Variants in CPEB4 observed in about 807,000 individuals in gnomAD.
The protein encoded by CPEB4 is cytoplasmic polyadenylation element-binding protein 4.
A neutral mutation model predicts 72.5 loss-of-function variants in CPEB4; 12 were observed. That is an observed-to-expected ratio of 0.17 (90% CI 0.11 to 0.27). The LOEUF is 0.27. Among genes scored for constraint, CPEB4 ranks in the 10% least tolerant of loss-of-function variants. CPEB4 has a pLI of 1.00. For missense variants in CPEB4, 614 were observed against 908.5 expected (o/e 0.68, Z 4.17); for synonymous variants, 302 against 326.3 (o/e 0.93, Z 0.80).
intron 2 of CPEB4, among the ~76,000 whole-genome samples, chr5:173,924,892 A>C (rs1209784432): frequency 6.6e-6 from 1 of 152,230 alleles, no homozygotes; most frequent in African/African-American, 2.4e-5. Flanking sequence ...TCATTGCCCT[A>C]CAGCAAGAGA....
At chr5:173,946,050 A>G (rs566908327) in intron 5 of CPEB4, among the ~76,000 whole-genome samples, 1 of 152,370 alleles carries the variant, frequency 6.6e-6, no homozygotes, top group East Asian at 1.9e-4. Context: ...AGATCTAATA[A>G]ATAATAAGGT....
Position 173,956,203 on chromosome 5 carries a change from T to A in CPEB4, c.*66T>A. ...GCACTCTTCTGTTCATTCTGACCCC[T>A]TCCTCAACCTCTTCACGCTGGCATG... On this transcript the variant is annotated 3_prime_UTR_variant, in exon 10 of 10. Transcript: ENST00000265085. The A allele has an allele frequency of 8.1e-7, 1 of 1,241,174 alleles. No homozygotes were observed. Among genetic ancestry groups the A allele is most frequent in the Non-Finnish European group, 1.2e-6 (1 of 847,326 alleles). The allele number at this position is 1,241,174 out of a possible 1,614,324, so 76.9% of individuals were successfully genotyped here.
intron 3 of CPEB4, among the ~76,000 whole-genome samples, chr5:173,936,126 ACTAT>A (rs1757613452): frequency 2.0e-5 from 3 of 152,214 alleles, no homozygotes; most frequent in Admixed American, 6.5e-5. Flanking sequence ...TTAAAACCAA[ACTAT>A]CTAAAGCTAC....
At chr5:173,940,445 G>C (rs1295002949) in intron 3 of CPEB4, among the ~76,000 whole-genome samples, 5 of 152,232 alleles carry the variant, frequency 3.3e-5, no homozygotes, top group Non-Finnish European at 1.5e-5. Context: ...CAGGAAAGCA[G>C]AGAAGTTCTA....
chr5:173,916,588 C>A (rs1756877974), intron 2 of CPEB4, among the ~76,000 whole-genome samples: 1 of 152,164 alleles, frequency 6.6e-6, no homozygotes, highest in Non-Finnish European at 1.5e-5. Context: ...CATTTTAAAA[C>A]ACTTTCATAT....
In CPEB4 at chr5:173,889,717, G is replaced by C. The variant is rs1369705819; in HGVS notation, c.-17G>C. 6.5e-7 allele frequency: 1 copy of C among 1,541,012 alleles called. No homozygotes were observed. The highest frequency in any genetic ancestry group is 2.3e-5 in the East Asian group (1 of 44,166). ...TTGTCATTTTTTATTGTGAGATTCT[G>C]CTCCTAAAGATAATAAATGGGGGAT... On this transcript the variant is annotated 5_prime_UTR_variant, in exon 1 of 10. Coordinates refer to ENST00000265085, the MANE Select transcript of CPEB4 (RefSeq NM_030627.4).
Position 173,957,915 on chromosome 5 carries a change from A to G in CPEB4, c.*1778A>G, listed in dbSNP as rs1758429899. The stretch of plus-strand genomic sequence containing the variant: ...GGCATTTGCTGTCTAATATTCAAAC[A>G]TAGAAAGGGAGCTGCTTTTAAAGAA... On this transcript the variant is annotated 3_prime_UTR_variant, in exon 10 of 10. Transcript: ENST00000265085. The G allele has an allele frequency of 6.5e-6, 1 of 152,822 alleles. No individual in the cohort carries two copies. Among genetic ancestry groups the G allele is most frequent in the Non-Finnish European group, 1.5e-5 (1 of 68,054 alleles). The allele number at this position is 152,822 out of a possible 1,614,324, so 9.5% of individuals were successfully genotyped here. A position where few individuals can be genotyped will look rare whatever the true frequency, so the allele number is the denominator to read the frequency against.
At chr5:173,902,664 T>C (rs1255010718) in intron 1 of CPEB4, among the ~76,000 whole-genome samples, 4 of 152,202 alleles carry the variant, frequency 2.6e-5, no homozygotes, top group African/African-American at 9.7e-5. Context: ...AGCATACTTT[T>C]AAACAAGAGT....
Position 173,949,562 on chromosome 5 carries a change from A to T in CPEB4, c.1511A>T (p.His504Leu), listed in dbSNP as rs1758147616. Residue 504 changes from histidine (H) to leucine (L), a missense_variant, in exon 6 of 10, where the codon CAT (histidine) becomes CTT (leucine). By Grantham distance (99) the His-to-Leu change is moderately conservative (BLOSUM62 -3). Coordinates refer to ENST00000265085, the MANE Select transcript of CPEB4 (RefSeq NM_030627.4). ...GGCCCTCTGATTGTGGATTGGCCTC[A>T]TAAAGCTGAGAGCAAATCCTATTTT... ...RFGPLIVDWPHKAESKSYFPP... is the reference protein window; with the variant it reads ...RFGPLIVDWPLKAESKSYFPP... The T allele has an allele frequency of 6.2e-7, 1 of 1,613,428 alleles. No homozygotes were observed. Among genetic ancestry groups the T allele is most frequent in the Non-Finnish European group, 8.5e-7 (1 of 1,179,604 alleles).
rs770312805 is a variant in CPEB4 at position 173,953,101 on chromosome 5, G to A, written c.1791G>A (p.Ala597=). 3.1e-6 allele frequency: 5 copies of A among 1,600,062 alleles called. No individual in the cohort carries two copies. Among genetic ancestry groups the A allele is most frequent in the Admixed American group, 1.7e-5 (1 of 57,546 alleles). ...VPRPLRAVEL[A]MIMDRLYGGV... is the part of the protein sequence containing the mutation. ...TCCTTTCTTAATTAGTGGAGCTTGC[G>A]ATGATAATGGATCGGCTATATGGAG... Residue 597 remains alanine (A), a synonymous_variant, in exon 9 of 10, where the codon GCG becomes GCA. Coordinates refer to ENST00000265085, the MANE Select transcript of CPEB4 (RefSeq NM_030627.4).
intron 4 of CPEB4, 72 bp downstream of exon 4, chr5:173,943,121 C>T: frequency 6.8e-7 from 1 of 1,461,382 alleles, no homozygotes; most frequent in South Asian, 1.2e-5. Flanking sequence ...AATTTCTAAC[C>T]TTTGTGGGGA....
chr5:173,938,257 G>T (rs1309364308), intron 3 of CPEB4, among the ~76,000 whole-genome samples: 1 of 152,006 alleles, frequency 6.6e-6, no homozygotes, highest in African/African-American at 2.4e-5. Context: ...ACGGAATCTC[G>T]CTCTGTTGCC....
intron 2 of CPEB4, among the ~76,000 whole-genome samples, chr5:173,926,556 A>G (rs1282081123): frequency 6.6e-6 from 1 of 152,210 alleles, no homozygotes; most frequent in African/African-American, 2.4e-5. Flanking sequence ...ATATTTGGCT[A>G]GGTTGAGTCA....
At chr5:173,954,415 C>G (rs553998136) in intron 9 of CPEB4, among the ~76,000 whole-genome samples, 1 of 152,204 alleles carries the variant, frequency 6.6e-6, no homozygotes, top group African/African-American at 2.4e-5. Flanking sequence ...CTCCGTCACC[C>G]AGGCTGGAGT....
intron 7 of CPEB4, 145 bp from the exon 8 acceptor site, chr5:173,951,678 GT>G: frequency 3.3e-6 from 2 of 602,056 alleles, no homozygotes; most frequent in Non-Finnish European, 6.1e-6. Context: ...GGGATACACT[GT>G]TTTTAAATCT....
intron 2 of CPEB4, among the ~76,000 whole-genome samples, chr5:173,921,523 A>G (rs1353957405): frequency 2.0e-5 from 3 of 152,196 alleles, no homozygotes; most frequent in African/African-American, 4.8e-5. Flanking sequence ...GCTTCCTGAC[A>G]TCTGAAGCCA....
At chr5:173,918,741 T>C (rs1426721213) in intron 2 of CPEB4, among the ~76,000 whole-genome samples, 1 of 152,256 alleles carries the variant, frequency 6.6e-6, no homozygotes, top group Admixed American at 6.5e-5. Context: ...ACATTCGTGA[T>C]TGAATATTTA....
At chr5:173,910,632 T>G in intron 2 of CPEB4, 28 bp downstream of exon 2, 1 of 1,362,210 alleles carries the variant, frequency 7.3e-7, no homozygotes, top group Middle Eastern at 1.8e-4. Context: ...CCCAATTGAT[T>G]TCAGACAATA....
At chr5:173,912,566 A>G (rs558964708) in intron 2 of CPEB4, among the ~76,000 whole-genome samples, 10 of 152,016 alleles carry the variant, frequency 6.6e-5, no homozygotes, top group African/African-American at 2.2e-4. Context: ...CCCTGTCTCT[A>G]TATAATAAAG....
Sources: gnomAD v4.1 joint callset for allele counts (sites outside exome capture counted in the v4.1 genomes callset) on GRCh38, gnomAD v4.1.1 for gene constraint, MANE v1.5 for transcripts, NCBI Gene and HGNC (gene_info 2026-07-23, HGNC 2026-07-21) for gene names.